GPM6A: variants seen among roughly 807,000 people sequenced by gnomAD.
The protein encoded by GPM6A is neuronal membrane glycoprotein M6-a.
In GPM6A, 7 loss-of-function variants were observed where a neutral mutation model predicts 32.1. The observed-to-expected ratio is 0.22, with a 90% CI of 0.12 to 0.41. The LOEUF is 0.41. GPM6A is among the 10% of genes least tolerant of loss of function. The pLI, the probability that GPM6A is intolerant of heterozygous loss-of-function variation, is 1.00. For synonymous variants in GPM6A, 130 were observed against 123.4 expected, an observed-to-expected ratio of 1.05 and a Z score of -0.35; for missense variants, 235 against 347.2, an observed-to-expected ratio of 0.68 and a Z score of 2.57.
intron 1 of GPM6A, chr4:175,787,378 C>T: frequency 6.5e-7 from 1 of 1,535,266 alleles, no homozygotes; most frequent in Non-Finnish European, 8.7e-7. Context: ...CGGCCGCTGG[C>T]TCCTTGTGAA....
At chr4:175,658,764 CA>C (rs1396669957) in intron 3 of GPM6A, among the ~76,000 whole-genome samples, 1 of 152,144 alleles carries the variant, frequency 6.6e-6, no homozygotes, top group East Asian at 1.9e-4. Context: ...ATTTATATAA[CA>C]AAAAATGATT....
intron 3 of GPM6A, among the ~76,000 whole-genome samples, chr4:175,660,166 G>A (rs113302321): frequency 8.1e-4 from 123 of 152,180 alleles, no homozygotes; most frequent in Middle Eastern, 3.4e-3. Context: ...TTGGGAGGCC[G>A]AGGCAGGTGG....
At chr4:175,993,342 G>A (rs1008529699) in intron 1 of GPM6A, among the ~76,000 whole-genome samples, 3 of 151,936 alleles carry the variant, frequency 2.0e-5, no homozygotes, top group African/African-American at 7.3e-5. Context: ...CTGTTGCACT[G>A]AATACTGTAG....
chr4:175,673,304 C>T (rs1035012064), intron 3 of GPM6A, among the ~76,000 whole-genome samples: 31 of 151,766 alleles, frequency 2.0e-4, no homozygotes, highest in African/African-American at 6.3e-4. Flanking sequence ...CTCAAATTTA[C>T]AGTAAAATAC....
chr4:175,959,967 T>A (rs1334434788), intron 1 of GPM6A, among the ~76,000 whole-genome samples: 1 of 152,178 alleles, frequency 6.6e-6, no homozygotes, highest in African/African-American at 2.4e-5. Flanking sequence ...AAAATAACCC[T>A]ATGAGAAAGA....
chr4:175,871,561 A>T (rs1736909125), intron 1 of GPM6A, among the ~76,000 whole-genome samples: 1 of 151,998 alleles, frequency 6.6e-6, no homozygotes, highest in Non-Finnish European at 1.5e-5. Context: ...CTTCCCTTTA[A>T]CCCTGGTCAC....
chr4:175,733,444 A>T (rs1289330873), intron 1 of GPM6A, among the ~76,000 whole-genome samples: 2 of 152,194 alleles, frequency 1.3e-5, no homozygotes, highest in African/African-American at 4.8e-5. Context: ...CGGAAGTTGC[A>T]GTGAGCCAAG....
At chr4:175,641,348 T>A (rs1741131346) in intron 4 of GPM6A, 1 of 154,096 alleles carries the variant, frequency 6.5e-6, no homozygotes, top group Non-Finnish European at 1.4e-5. Context: ...TCCAGTTGGT[T>A]CATAGACCAA....
chr4:175,755,393 A>T (rs1732488907), intron 1 of GPM6A, among the ~76,000 whole-genome samples: 1 of 152,182 alleles, frequency 6.6e-6, no homozygotes, highest in Non-Finnish European at 1.5e-5. Context: ...AGTCAGAAAG[A>T]CTAAACATAA....
chr4:175,634,893 A>G lies in GPM6A; in HGVS notation c.*12T>C, dbSNP rs1740489752. 2 of 1,609,364 alleles carry G rather than the reference A, an allele frequency of 1.2e-6. No homozygotes were observed. Among genetic ancestry groups the G allele is most frequent in the South Asian group, 1.1e-5 (1 of 90,908 alleles). The stretch of plus-strand genomic sequence containing the variant: ...AATGCATTCAAATGGTAGAAAGAAC[A>G]GGAAGATGCATTTATGTGTATGCAT... On this transcript the variant is annotated 3_prime_UTR_variant, in exon 7 of 7. Coordinates refer to ENST00000393658, the MANE Select transcript of GPM6A (RefSeq NM_201591.3).
chr4:175,704,060 G>A (rs550902292), intron 1 of GPM6A, among the ~76,000 whole-genome samples: 1 of 152,294 alleles, frequency 6.6e-6, no homozygotes, highest in East Asian at 1.9e-4. Context: ...AGAAGGCATA[G>A]ATGCATATAG....
At chr4:175,651,637 T>C (rs1284531562) in intron 4 of GPM6A, among the ~76,000 whole-genome samples, 197 bp downstream of exon 4, 2 of 152,186 alleles carry the variant, frequency 1.3e-5, no homozygotes, top group Non-Finnish European at 2.9e-5. Context: ...TGTTGTGATA[T>C]TAACATCCAT....
At chr4:175,838,350 C>T (rs1315103084) in intron 1 of GPM6A, among the ~76,000 whole-genome samples, 1 of 148,238 alleles carries the variant, frequency 6.7e-6, no homozygotes, top group African/African-American at 2.5e-5. Context: ...ACTTGAAACT[C>T]ATGATGCATT....
At chr4:175,769,838 T>C (rs1413636448) in intron 1 of GPM6A, among the ~76,000 whole-genome samples, 1 of 152,204 alleles carries the variant, frequency 6.6e-6, no homozygotes, top group Admixed American at 6.5e-5. Flanking sequence ...AAACATGGAA[T>C]AAAGTTAAGA....
intron 1 of GPM6A, among the ~76,000 whole-genome samples, chr4:175,917,269 T>A (rs747924339): frequency 2.0e-5 from 3 of 152,102 alleles, no homozygotes; most frequent in African/African-American, 7.2e-5. Context: ...GTTTTGTTTT[T>A]TTTTAATCTT....
chr4:175,691,037 A>G (rs1054284616), intron 2 of GPM6A, among the ~76,000 whole-genome samples: 2 of 152,216 alleles, frequency 1.3e-5, no homozygotes, highest in Non-Finnish European at 2.9e-5. Flanking sequence ...TATCTTACTG[A>G]CTTAATTCTC....
At chr4:175,760,827 A>G (rs1579469265) in intron 1 of GPM6A, among the ~76,000 whole-genome samples, 1 of 152,280 alleles carries the variant, frequency 6.6e-6, no homozygotes, top group Non-Finnish European at 1.5e-5. Flanking sequence ...TCTTAGAATG[A>G]GAAATGTTTG....
chr4:175,840,556 C>T (rs1256490201), intron 1 of GPM6A, among the ~76,000 whole-genome samples: 4 of 152,130 alleles, frequency 2.6e-5, no homozygotes, highest in African/African-American at 4.8e-5. Flanking sequence ...GGCCTGTAAT[C>T]CCAGCTACTC....
At chr4:175,818,920 T>C (rs747658597) in intron 1 of GPM6A, among the ~76,000 whole-genome samples, 15 of 152,150 alleles carry the variant, frequency 9.9e-5, no homozygotes, top group South Asian at 2.1e-4. Flanking sequence ...CTGATTACAG[T>C]AAGGGGAGAC....
Sources: allele counts gnomAD v4.1 joint callset (sites outside exome capture counted in the v4.1 genomes callset), GRCh38; gene constraint gnomAD v4.1.1; transcripts MANE v1.5; gene names NCBI Gene and HGNC (gene_info 2026-07-23, HGNC 2026-07-21).